The following OSM variants were observed in gnomAD, a reference collection of about 807,000 sequenced individuals.
OSM encodes the protein oncostatin M.
In OSM, 1 loss-of-function variant was observed where a neutral mutation model predicts 6.3. That is an observed-to-expected ratio of 0.16 (90% CI 0.06 to 0.76). The LOEUF (loss-of-function observed/expected upper bound fraction) is 0.76, where lower values mean the gene tolerates loss of function less well. Ranked by LOEUF, OSM falls within the 30% of genes least tolerant of loss-of-function variation. The pLI, the probability that OSM is intolerant of heterozygous loss-of-function variation, is 0.77. For missense variants in OSM, 324 were observed against 336.9 expected (o/e 0.96, Z 0.30); for synonymous variants, 135 against 143.4 (o/e 0.94, Z 0.42).
At chr22:30,265,362 C>A (rs890828254) in intron 1 of OSM, 49 of 985,372 alleles carry the variant, frequency 5.0e-5, no homozygotes, top group Non-Finnish European at 5.8e-5. Context: ...CAGGGCCTGA[C>A]ACAGCAAGCA....
At chr22:30,265,268 G>A in intron 1 of OSM, 124 bp from the exon 2 acceptor site, 1 of 1,502,392 alleles carries the variant, frequency 6.7e-7, no homozygotes, top group Non-Finnish European at 8.9e-7. Flanking sequence ...TGTAGTGGAG[G>A]GCGGGGGCTG....
At position 30,263,078 on chromosome 22, in the gene OSM, C is replaced by CCGG. The variant is rs1373101713; in HGVS notation, c.*802_*804dup. The CCGG allele has an allele frequency of 6.5e-6, 1 of 152,736 alleles. No homozygotes were observed. The highest frequency in any genetic ancestry group is 1.9e-4 in the East Asian group (1 of 5,326). The allele number at this position is 152,736 out of a possible 1,614,324, so 9.5% of individuals were successfully genotyped here. A position where few individuals can be genotyped will look rare whatever the true frequency, so the allele number is the denominator to read the frequency against. On this transcript the variant is annotated 3_prime_UTR_variant, in exon 3 of 3. Coordinates refer to ENST00000215781, the MANE Select transcript of OSM (RefSeq NM_020530.6). ...GCAGCGAGGACCCAAGACGGGCTTC[C>CCGG]CGGCGCTGGGAGGTGGGTCTGCTTT...
rs866849986 is a variant in OSM, at chr22:30,264,338, T to C, written c.304A>G (p.Thr102Ala). The C allele has an allele frequency of 3.1e-6, 5 of 1,613,972 alleles. No individual in the cohort carries two copies. Among genetic ancestry groups the C allele is most frequent in the Non-Finnish European group, 4.2e-6 (5 of 1,180,038 alleles). The part of the protein sequence containing the change: ...RRGFLQTLNA[T>A]LGCVLHRLAD... ...AGTCTGTGCAGGACGCAGCCCAGTG[T>C]GGCATTGAGGGTCTGCAGGAAGCCC... Residue 102 changes from threonine to alanine, a missense_variant, in exon 3 of 3, where the codon ACA becomes GCA. Coordinates refer to ENST00000215781, the MANE Select transcript of OSM (RefSeq NM_020530.6).
In OSM at chr22:30,266,091, C is replaced by T. The variant is rs937483127; in HGVS notation, c.34+675G>A. Among the ~76,000 whole-genome samples the T allele has an allele frequency of 2.0e-5, 3 of 152,254 alleles. No homozygotes were observed. Among genetic ancestry groups the T allele is most frequent in the Admixed American group, 6.5e-5 (1 of 15,290 alleles). ...CTTAGCGACCCCACGGCACCCTCGCCGCCTCCCCAGGTATCTGCTGCCGGG... is the reference window on the plus strand; with the variant it reads ...CTTAGCGACCCCACGGCACCCTCGCTGCCTCCCCAGGTATCTGCTGCCGGG... On this transcript the variant is annotated intron_variant, in intron 1 of 2. Transcript: ENST00000215781. This position sits in a 1 kb window ranked among gnomAD's most constrained non-coding sequence, Gnocchi z 5.0.
In OSM at chr22:30,263,747, CTCT is replaced by C; in HGVS notation, c.*133_*135del. 1.6e-6 allele frequency: 1 copy of C among 644,216 alleles called. No individual in the cohort carries two copies. The highest frequency in any genetic ancestry group is 3.0e-5 in the Admixed American group (1 of 33,212). 39.9% of individuals were successfully genotyped at this position (644,216 alleles called of 1,614,324 possible). A position where few individuals can be genotyped will look rare whatever the true frequency, so the allele number is the denominator to read the frequency against. On this transcript the variant is annotated 3_prime_UTR_variant, in exon 3 of 3. Transcript: ENST00000215781. The stretch of plus-strand genomic sequence containing the variant: ...GTAGAGGGGTCTGCCCAGCTCCCAC[CTCT>C]TAAAGTGCACTTCTCAGTGGCTAGT...
At position 30,266,071 on chromosome 22, in the gene OSM, C is replaced by CGA. The variant is rs1384141513; in HGVS notation, c.34+693_34+694dup. ...CAAGGGGCCAGGCACCCAGGCTTAG[C>CGA]GACCCCACGGCACCCTCGCCGCCTC... is the stretch of plus-strand genomic sequence containing the variant. On this transcript the variant is annotated intron_variant, in intron 1 of 2. Coordinates refer to ENST00000215781, the MANE Select transcript of OSM (RefSeq NM_020530.6). The surrounding 1 kb of genome is among the most constrained non-coding windows in gnomAD (Gnocchi z 5.0). 6.6e-6 allele frequency among the ~76,000 whole-genome samples: 1 copy of CGA among 152,268 alleles called. No homozygotes were observed. The highest frequency in any genetic ancestry group is 1.5e-5 in the Non-Finnish European group (1 of 68,044).
At position 30,263,032 on chromosome 22, in the gene OSM, C is replaced by T. The variant is rs200140494; in HGVS notation, c.*851G>A. The T allele has an allele frequency of 2.0e-5, 3 of 152,728 alleles. No individual in the cohort carries two copies. Among genetic ancestry groups the T allele is most frequent in the Non-Finnish European group, 4.4e-5 (3 of 68,042 alleles). The allele number at this position is 152,728 out of a possible 1,614,324, so 9.5% of individuals were successfully genotyped here. On this transcript the variant is annotated 3_prime_UTR_variant, in exon 3 of 3. Coordinates refer to ENST00000215781, the MANE Select transcript of OSM (RefSeq NM_020530.6). ...TCCTGCGTGAGAAAATTCCAGGATC[C>T]ACCACCAGGGGGAGCAGCCAGCAGC...
Position 30,264,372 on chromosome 22 carries a change from C to A in OSM, c.270G>T (p.Leu90=), listed in dbSNP as rs1929333921. Residue 90 remains leucine (L), a synonymous_variant, in exon 3 of 3, where the codon CTG becomes CTT. Coordinates refer to ENST00000215781, the MANE Select transcript of OSM (RefSeq NM_020530.6). ...AFPSEETLRG[L]GRRGFLQTLN... ...GGGTCTGCAGGAAGCCCCGCCTGCC[C>A]AGCCCCCTCAGGGTCTCCTCACTGG... 1 of 1,613,898 alleles carries A rather than the reference C, an allele frequency of 6.2e-7. No homozygotes were observed. Among genetic ancestry groups the A allele is most frequent in the Non-Finnish European group, 8.5e-7 (1 of 1,180,022 alleles).
chr22:30,266,783 G>T lies in OSM; in HGVS notation c.17C>A (p.Thr6Lys). The change falls in exon 1 of 3, where the codon ACA (threonine) becomes AAA (lysine). Residue 6 changes from threonine to lysine, a missense_variant. Thr to Lys is a moderately conservative substitution (Grantham distance 78). Coordinates refer to ENST00000215781, the MANE Select transcript of OSM (RefSeq NM_020530.6). The surrounding 1 kb of genome is among the most constrained non-coding windows in gnomAD (Gnocchi z 5.0). Reference sequence around the variant, plus strand: ...GTACTTACTGAGCAGCGTCCTCTGTGTGAGCAGTACCCCCATGCTGGGTGC... The same window carrying T: ...GTACTTACTGAGCAGCGTCCTCTGTTTGAGCAGTACCCCCATGCTGGGTGC... Reference protein sequence around the residue: MGVLLTQRTLLSLVLA... With the variant: MGVLLKQRTLLSLVLA... 1 of 1,613,362 alleles carries T rather than the reference G, an allele frequency of 6.2e-7. No individual in the cohort carries two copies. The highest frequency in any genetic ancestry group is 1.1e-5 in the South Asian group (1 of 91,046).
At chr22:30,265,621 G>C (rs1746560575) in intron 1 of OSM, 1 of 164,962 alleles carries the variant, frequency 6.1e-6, no homozygotes, top group Non-Finnish European at 1.3e-5. Context: ...CAGGCAGCCC[G>C]GGAGCAGCTT....
chr22:30,263,998 C>A lies in OSM; in HGVS notation c.644G>T (p.Ser215Ile). 1.9e-6 allele frequency: 3 copies of A among 1,555,450 alleles called. No individual in the cohort carries two copies. The highest frequency in any genetic ancestry group is 1.2e-5 in the South Asian group (1 of 81,412). ...VGRVFSKWGE[S>I]PNRSRRHSPH... ...GCTGTGTCTCCGGCTCCGGTTCGGG[C>A]TCTCCCCCCACTTGCTGAAGACCCG... is the stretch of plus-strand genomic sequence containing the variant. The change falls in exon 3 of 3, where the codon AGC (serine) becomes ATC (isoleucine). Residue 215 changes from serine to isoleucine, a missense_variant. Physicochemically the swap from Ser to Ile is moderately radical, Grantham distance 142. Transcript: ENST00000215781.
Position 30,263,760 on chromosome 22 carries a change from C to G in OSM, c.*123G>C. 5.5e-6 allele frequency: 4 copies of G among 724,090 alleles called. No individual in the cohort carries two copies. Among genetic ancestry groups the G allele is most frequent in the Non-Finnish European group, 8.7e-6 (4 of 461,290 alleles). 44.9% of individuals were successfully genotyped at this position (724,090 alleles called of 1,614,324 possible). A position where few individuals can be genotyped will look rare whatever the true frequency, so the allele number is the denominator to read the frequency against. ...CCCAGCTCCCACCTCTTAAAGTGCACTTCTCAGTGGCTAGTAGCAGAGGGG... is the reference window on the plus strand; with the variant it reads ...CCCAGCTCCCACCTCTTAAAGTGCAGTTCTCAGTGGCTAGTAGCAGAGGGG... On this transcript the variant is annotated 3_prime_UTR_variant, in exon 3 of 3. Transcript: ENST00000215781.
intron 1 of OSM, chr22:30,265,497 A>C (rs927246581): frequency 1.1e-5 from 9 of 804,424 alleles, no homozygotes; most frequent in Non-Finnish European, 1.4e-5. Flanking sequence ...ACTCTCTGCA[A>C]GGTGGGACTG....
rs200404605 is a variant in OSM, at chr22:30,264,470, G to A, written c.178-6C>T. The A allele has an allele frequency of 7.0e-4, 1,115 of 1,592,102 alleles. 2 individuals carry two copies. The highest frequency in any genetic ancestry group is 9.2e-4 in the Non-Finnish European group (1,071 of 1,164,024). On this transcript the variant is annotated splice_polypyrimidine_tract_variant and splice_region_variant and intron_variant, in intron 2 of 2. Transcript: ENST00000215781. ...TCCAGGCCTTGGATACGTATCTGGC[G>A]GGAACAGGAGGATCACAGGGTGAAT... is the stretch of plus-strand genomic sequence containing the variant.
chr22:30,266,606 C>T lies in OSM; in HGVS notation c.34+160G>A, dbSNP rs1929397432. Among the ~76,000 whole-genome samples, 1 of 152,198 alleles carries T rather than the reference C, an allele frequency of 6.6e-6. No homozygotes were observed. Among genetic ancestry groups the T allele is most frequent in the Non-Finnish European group, 1.5e-5 (1 of 68,020 alleles). On this transcript the variant is annotated intron_variant, in intron 1 of 2. Coordinates refer to ENST00000215781, the MANE Select transcript of OSM (RefSeq NM_020530.6). The surrounding 1 kb of genome is among the most constrained non-coding windows in gnomAD (Gnocchi z 5.0). ...GATGCCAGGTTCTCAGTGGACCACT[C>T]TCTCTGCCTGACCTCCTGGCTCTCT...
At position 30,265,076 on chromosome 22, in the gene OSM, A is replaced by C. The variant is rs748922290; in HGVS notation, c.103T>G (p.Tyr35Asp). Residue 35 changes from tyrosine to aspartate, a missense_variant, in exon 2 of 3, where the codon TAC becomes GAC. Physicochemically the swap from Tyr to Asp is radical, Grantham distance 160 (BLOSUM62 -3). Coordinates refer to ENST00000215781, the MANE Select transcript of OSM (RefSeq NM_020530.6). ...TGGAGCTGGCCAAGGAGCACGCGGTACTCTTTCGAGCAGCTGCCTATAGCC... is the reference window on the plus strand; with the variant it reads ...TGGAGCTGGCCAAGGAGCACGCGGTCCTCTTTCGAGCAGCTGCCTATAGCC... ...MAAIGSCSKE[Y>D]RVLLGQLQKQ... 8 of 1,613,942 alleles carry C rather than the reference A, an allele frequency of 5.0e-6. No homozygotes were observed. In the East Asian group the frequency reaches 1.6e-4, roughly 31 times the overall value.
chr22:30,264,838 G>A (rs1929348322), intron 2 of OSM, among the ~76,000 whole-genome samples, 164 bp downstream of exon 2: 1 of 152,230 alleles, frequency 6.6e-6, no homozygotes, highest in South Asian at 2.1e-4. Flanking sequence ...GAAAGCTGGA[G>A]GGCCAGCCTT....
intron 1 of OSM, chr22:30,265,764 C>T (rs1448054148): frequency 6.5e-6 from 1 of 153,496 alleles, no homozygotes; most frequent in Non-Finnish European, 1.5e-5. Flanking sequence ...AGGAGAAGGT[C>T]CTACTCAGGT....
At position 30,263,825 on chromosome 22, in the gene OSM, T is replaced by C. The variant is rs1929304815; in HGVS notation, c.*58A>G. Reference sequence around the variant, plus strand: ...CCCGGGAGCTGTCATCCTGCGATGGTTCCTCTCATCCACAGAGCACCTGCC... The same window carrying C: ...CCCGGGAGCTGTCATCCTGCGATGGCTCCTCTCATCCACAGAGCACCTGCC... On this transcript the variant is annotated 3_prime_UTR_variant, in exon 3 of 3. Coordinates refer to ENST00000215781, the MANE Select transcript of OSM (RefSeq NM_020530.6). 2.2e-6 allele frequency: 3 copies of C among 1,350,260 alleles called. No homozygotes were observed. The highest frequency in any genetic ancestry group is 1.5e-5 in the African/African-American group (1 of 68,790). The allele number at this position is 1,350,260 out of a possible 1,614,324, so 83.6% of individuals were successfully genotyped here.
Sources: gnomAD v4.1 joint callset for allele counts (sites outside exome capture counted in the v4.1 genomes callset) on GRCh38, gnomAD v4.1.1 for gene constraint, Gnocchi (gnomAD v3.1) non-coding constraint, MANE v1.5 for transcripts, NCBI Gene and HGNC (gene_info 2026-07-23, HGNC 2026-07-21) for gene names.